The following STK3 variants were observed in gnomAD, a reference collection of about 807,000 sequenced individuals.
STK3 encodes the protein serine/threonine-protein kinase 3.
Under a neutral mutation model 58.0 loss-of-function variants are expected in STK3, and 41 were observed. The ratio of observed to expected loss-of-function variants is 0.71; its 90% CI spans 0.55 to 0.92. The LOEUF (loss-of-function observed/expected upper bound fraction) is 0.92. Among genes scored for constraint, STK3 ranks in the 40% least tolerant of loss-of-function variants. The pLI is 0.00. For synonymous variants in STK3, 170 were observed against 191.0 expected (o/e 0.89, Z 0.91); for missense variants, 479 against 602.7 (o/e 0.79, Z 2.15).
At chr8:98,534,926 AT>A (rs985186507) in intron 9 of STK3, among the ~76,000 whole-genome samples, 7 of 152,318 alleles carry the variant, frequency 4.6e-5, no homozygotes, top group Admixed American at 4.6e-4. Flanking sequence ...AAGGGGGATA[AT>A]CCCTTAAAGA....
At chr8:98,615,244 G>T (rs1817598666) in intron 6 of STK3, among the ~76,000 whole-genome samples, 3 of 149,800 alleles carry the variant, frequency 2.0e-5, no homozygotes, top group African/African-American at 7.4e-5. Context: ...ACCTGCAGCT[G>T]AGGGTCCTGT....
chr8:98,866,976 G>T (rs540320091), intron 3 of STK3, among the ~76,000 whole-genome samples: 1 of 152,132 alleles, frequency 6.6e-6, no homozygotes, highest in East Asian at 1.9e-4. Flanking sequence ...ACTGTTAACA[G>T]GTAACTCTCT....
intron 7 of STK3, among the ~76,000 whole-genome samples, chr8:98,586,005 A>T (rs537989182): frequency 1.3e-5 from 2 of 152,316 alleles, no homozygotes; most frequent in South Asian, 2.1e-4. Context: ...GGCTAAGACA[A>T]TGGGGTTTTC....
chr8:98,760,275 G>A lies in STK3; in HGVS notation c.236+6968C>T, dbSNP rs148105162. On this transcript the variant is annotated intron_variant, in intron 3 of 10. Transcript: ENST00000419617. Reference sequence around the variant, plus strand: ...TTCCACCTCAGCTTCCCAAGTAACCGCAACTATAAACATGCACACACCCGG... The same window carrying A: ...TTCCACCTCAGCTTCCCAAGTAACCACAACTATAAACATGCACACACCCGG... Among the ~76,000 whole-genome samples, 1,302 of 152,020 alleles carry A rather than the reference G, an allele frequency of 8.6e-3. 10 individuals are homozygous for A. Among genetic ancestry groups the A allele is most frequent in the African/African-American group, 0.03 (1,225 of 41,450 alleles).
intron 3 of STK3, among the ~76,000 whole-genome samples, chr8:98,405,184 C>T (rs1159005832): frequency 6.6e-6 from 1 of 152,180 alleles, no homozygotes; most frequent in Non-Finnish European, 1.5e-5. Context: ...GACTTCTTGT[C>T]CCCAGAAAGT....
intron 3 of STK3, among the ~76,000 whole-genome samples, chr8:98,857,401 C>T (rs535968094): frequency 2.0e-5 from 3 of 150,016 alleles, no homozygotes; most frequent in African/African-American, 2.5e-5. Context: ...TCCAGCCTCT[C>T]GAAAACTGTT....
chr8:98,729,869 T>C (rs1828048132), intron 4 of STK3, among the ~76,000 whole-genome samples: 1 of 152,228 alleles, frequency 6.6e-6, no homozygotes, highest in Admixed American at 6.5e-5. Context: ...ACATTTCATG[T>C]TCTCAGCTCA....
intron 1 of STK3, among the ~76,000 whole-genome samples, chr8:98,794,472 GA>G (rs1454618836): frequency 6.6e-6 from 1 of 152,118 alleles, no homozygotes; most frequent in Non-Finnish European, 1.5e-5. Flanking sequence ...GAATCAGGAA[GA>G]AATAGAAACC....
chr8:98,828,271 A>C (rs1479273282), upstream of STK3, among the ~76,000 whole-genome samples: 1 of 151,832 alleles, frequency 6.6e-6, no homozygotes, highest in Middle Eastern at 3.2e-3. Flanking sequence ...CCACTATGCC[A>C]GGCTCACTCC....
intron 1 of STK3, among the ~76,000 whole-genome samples, chr8:98,937,827 A>G (rs1261984169): frequency 6.6e-6 from 1 of 152,250 alleles, no homozygotes; most frequent in African/African-American, 2.4e-5. Flanking sequence ...TAAAACTTGT[A>G]TCTGCATTCA....
intron 6 of STK3, among the ~76,000 whole-genome samples, chr8:98,653,729 C>G (rs1821193578): frequency 6.6e-6 from 1 of 152,160 alleles, no homozygotes; most frequent in African/African-American, 2.4e-5. Context: ...ACTAGAAAAT[C>G]TAGAAGAAAT....
chr8:98,824,170 G>A (rs1397441280), intron 1 of STK3, among the ~76,000 whole-genome samples: 1 of 152,122 alleles, frequency 6.6e-6, no homozygotes, highest in Non-Finnish European at 1.5e-5. Flanking sequence ...CGGCATTTTT[G>A]TTCACTACTT....
At chr8:98,598,606 A>G in intron 6 of STK3, 1 of 985,398 alleles carries the variant, frequency 1.0e-6, no homozygotes, top group Non-Finnish European at 1.2e-6. Context: ...TCTAGGTTTT[A>G]TATGAGTTGA....
At chr8:98,788,780 A>G (rs1424891918) in intron 1 of STK3, among the ~76,000 whole-genome samples, 1 of 152,210 alleles carries the variant, frequency 6.6e-6, no homozygotes, top group Non-Finnish European at 1.5e-5. Context: ...AATTACTAAT[A>G]GACTTAAGAA....
chr8:98,395,965 A>G (rs1166239971), intron 3 of STK3, among the ~76,000 whole-genome samples: 1 of 152,194 alleles, frequency 6.6e-6, no homozygotes, highest in Non-Finnish European at 1.5e-5. Flanking sequence ...CTCTTCTGAC[A>G]CCACTGAATT....
intron 1 of STK3, among the ~76,000 whole-genome samples, chr8:98,801,524 T>C (rs1461899567): frequency 2.0e-5 from 3 of 151,932 alleles, no homozygotes; most frequent in Non-Finnish European, 4.4e-5. Context: ...AGCGAGACCA[T>C]GAACCCACCG....
chr8:98,628,783 T>C (rs1009362200), intron 6 of STK3, among the ~76,000 whole-genome samples: 4 of 102,894 alleles, frequency 3.9e-5, no homozygotes, highest in South Asian at 3.0e-4. Context: ...TCCCAGGCAA[T>C]AGAGGAATAT....
chr8:98,415,153 G>A (rs1818099989), intron 3 of STK3, among the ~76,000 whole-genome samples: 1 of 152,172 alleles, frequency 6.6e-6, no homozygotes, highest in African/African-American at 2.4e-5. Context: ...CTCCACTTCT[G>A]GAGGATGCTG....
At chr8:98,456,458 A>G (rs1325024352) in intron 10 of STK3, among the ~76,000 whole-genome samples, 1 of 152,232 alleles carries the variant, frequency 6.6e-6, no homozygotes, top group Non-Finnish European at 1.5e-5. Flanking sequence ...TAAATTAACC[A>G]TTCTATCCTC....
Sources: gnomAD v4.1 joint callset for allele counts (sites outside exome capture counted in the v4.1 genomes callset) on GRCh38, gnomAD v4.1.1 for gene constraint, MANE v1.5 for transcripts, NCBI Gene and HGNC (gene_info 2026-07-23, HGNC 2026-07-21) for gene names.